PADI6: variants seen among roughly 807,000 people sequenced by gnomAD.
The protein encoded by PADI6 is peptidyl arginine deiminase 6.
In PADI6, 66 loss-of-function variants were observed where a neutral mutation model predicts 78.2. The ratio of observed to expected loss-of-function variants is 0.84; its 90% CI spans 0.69 to 1.04. The LOEUF is 1.04. Among genes scored for constraint, PADI6 ranks in the 50% least tolerant of loss-of-function variants. The probability of loss-of-function intolerance (pLI) is 0.00; values close to 1 mark genes in which losing one functional copy is unlikely to be tolerated. For missense variants in PADI6, 854 were observed against 866.1 expected (o/e 0.99, Z 0.18); for synonymous variants, 397 against 346.9 (o/e 1.14, Z -1.60).
In PADI6 at chr1:17,394,093, T is replaced by A. The variant is rs754388713; in HGVS notation, c.1182+11T>A. ...ATGAAGTACTCACTGGTGTGGAACT[T>A]GGTTTGGCTAATCTGAGCTCAGTCC... On this transcript the variant is annotated intron_variant, in intron 10 of 15. Transcript: ENST00000619609. 2 of 1,610,438 alleles carry A rather than the reference T, an allele frequency of 1.2e-6. No individual in the cohort carries two copies. The highest frequency in any genetic ancestry group is 1.7e-6 in the Non-Finnish European group (2 of 1,176,816).
chr1:17,393,857 T>C, intron 9 of PADI6, 118 bp from the exon 10 acceptor site: 1 of 796,560 alleles, frequency 1.3e-6, no homozygotes, highest in Non-Finnish European at 2.1e-6. Flanking sequence ...CTGAGCTGGG[T>C]GTTGAGGGTT....
chr1:17,392,380 G>A (rs2075195418), intron 9 of PADI6, among the ~76,000 whole-genome samples, 155 bp downstream of exon 9: 1 of 152,236 alleles, frequency 6.6e-6, no homozygotes, highest in South Asian at 2.1e-4. Flanking sequence ...AGGCTCAGAT[G>A]AGGATTTGCC....
In PADI6 at chr1:17,395,587, C is replaced by A. The variant is rs1485205191; in HGVS notation, c.1542C>A (p.Phe514Leu). The A allele has an allele frequency of 1.9e-6, 3 of 1,587,524 alleles. No homozygotes were observed. Among genetic ancestry groups the A allele is most frequent in the Admixed American group, 3.6e-5 (2 of 55,766 alleles). ...LASPSACYKLFREKQKEGYGD... is the reference protein window; with the variant it reads ...LASPSACYKLLREKQKEGYGD... ...GCCCCAGTGCCTGCTATAAACTGTTCCGAGAGAAACAGAAGGAAGGCTATG... is the reference window on the plus strand; with the variant it reads ...GCCCCAGTGCCTGCTATAAACTGTTACGAGAGAAACAGAAGGAAGGCTATG... The change falls in exon 13 of 16, where the codon TTC (phenylalanine) becomes TTA (leucine). Residue 514 changes from phenylalanine to leucine, a missense_variant. By Grantham distance (22) the Phe-to-Leu change is conservative. Coordinates refer to ENST00000619609, the MANE Select transcript of PADI6 (RefSeq NM_207421.4).
chr1:17,375,377 G>T, intron 2 of PADI6, 50 bp from the exon 3 acceptor site: 1 of 1,528,506 alleles, frequency 6.5e-7, no homozygotes. Flanking sequence ...CTCTGTTCCT[G>T]GCACCTCCCG....
chr1:17,388,713 T>A (rs2075151896), intron 7 of PADI6, 64 bp from the exon 8 acceptor site: 1 of 1,537,946 alleles, frequency 6.5e-7, no homozygotes, highest in African/African-American at 1.4e-5. Flanking sequence ...GCCGGAACCC[T>A]GGGGTAAGAG....
chr1:17,394,488 G>C, intron 11 of PADI6, 34 bp downstream of exon 11: 1 of 1,603,620 alleles, frequency 6.2e-7, no homozygotes, highest in Non-Finnish European at 8.5e-7. Flanking sequence ...CCAAATGAAA[G>C]GAAGGGACCA....
chr1:17,376,984 C>A (rs979305716), intron 3 of PADI6, among the ~76,000 whole-genome samples: 2 of 152,088 alleles, frequency 1.3e-5, no homozygotes, highest in Non-Finnish European at 2.9e-5. Context: ...ACGATCCTCT[C>A]ACCTCAGCCT....
At chr1:17,383,061 G>A (rs946883876) in intron 6 of PADI6, among the ~76,000 whole-genome samples, 3 of 152,198 alleles carry the variant, frequency 2.0e-5, no homozygotes, top group African/African-American at 7.2e-5. Flanking sequence ...GGGATTACAG[G>A]TGTGAGCTAC....
At chr1:17,379,173 C>T (rs1193220184) in intron 3 of PADI6, among the ~76,000 whole-genome samples, 4 of 133,434 alleles carry the variant, frequency 3.0e-5, no homozygotes, top group Non-Finnish European at 6.0e-5. Flanking sequence ...AGTGCAGTGG[C>T]GCAATCTCGG....
chr1:17,377,593 A>T (rs1570124428), intron 3 of PADI6, among the ~76,000 whole-genome samples: 1 of 152,234 alleles, frequency 6.6e-6, no homozygotes. Flanking sequence ...TTTTTCTAGT[A>T]GTCCCTCCAT....
intron 15 of PADI6, among the ~76,000 whole-genome samples, chr1:17,400,488 C>T (rs892244839): frequency 3.3e-5 from 5 of 152,052 alleles, no homozygotes; most frequent in African/African-American, 1.2e-4. Flanking sequence ...GCCTGGGCAA[C>T]AAGAGCAAAA....
chr1:17,397,350 G>GT (rs1415532260), intron 14 of PADI6, among the ~76,000 whole-genome samples: 2 of 152,174 alleles, frequency 1.3e-5, no homozygotes, highest in African/African-American at 4.8e-5. Context: ...GGAGTAAGGA[G>GT]TTAGGTCTCT....
rs145257272 is a variant in PADI6 at position 17,373,301 on chromosome 1, C to T, written c.294+68C>T. 1.1e-3 allele frequency: 1,749 copies of T among 1,556,362 alleles called. 15 individuals carry two copies. The African/African-American group carries it at 0.02, about 18-fold the overall frequency. ...GACCTAGCACAGCCACTGGGGCTTCCTCCTGGCTGCAGACGTGACTCGAGC... is the reference window on the plus strand; with the variant it reads ...GACCTAGCACAGCCACTGGGGCTTCTTCCTGGCTGCAGACGTGACTCGAGC... On this transcript the variant is annotated intron_variant, in intron 2 of 15. Coordinates refer to ENST00000619609, the MANE Select transcript of PADI6 (RefSeq NM_207421.4).
chr1:17,394,247 G>T (rs1178501304), intron 10 of PADI6, 53 bp from the exon 11 acceptor site: 1 of 1,598,926 alleles, frequency 6.3e-7, no homozygotes, highest in Non-Finnish European at 8.6e-7. Flanking sequence ...TAAGACTGGG[G>T]CCTAAAGCCA....
intron 8 of PADI6, among the ~76,000 whole-genome samples, chr1:17,389,364 G>A (rs536417715): frequency 6.6e-6 from 1 of 152,294 alleles, no homozygotes; most frequent in South Asian, 2.1e-4. Context: ...GATGCCTGCA[G>A]GAAGATGGTA....
rs141844235 is a variant in PADI6 at position 17,389,731 on chromosome 1, C to G, written c.962+851C>G. On this transcript the variant is annotated intron_variant, in intron 8 of 15. Transcript: ENST00000619609. The stretch of plus-strand genomic sequence containing the variant: ...GCCAAGGGTTCTGTCTGCATGATCA[C>G]TCTGGCCACATGGAAAGTCAGGTAC... 7.4e-4 allele frequency among the ~76,000 whole-genome samples: 112 copies of G among 152,300 alleles called. 1 individual carries two copies. In the East Asian group the frequency reaches 0.021, roughly 29 times the overall value.
chr1:17,393,308 G>A (rs1267016864), intron 9 of PADI6, among the ~76,000 whole-genome samples: 4 of 152,114 alleles, frequency 2.6e-5, no homozygotes, highest in Non-Finnish European at 4.4e-5. Context: ...GGAATGAAAG[G>A]TTATAGTTCA....
chr1:17,388,802 A>C lies in PADI6; in HGVS notation c.884A>C (p.Lys295Thr), dbSNP rs750217631. 6.2e-7 allele frequency: 1 copy of C among 1,613,752 alleles called. No homozygotes were observed. Among genetic ancestry groups the C allele is most frequent in the Non-Finnish European group, 8.5e-7 (1 of 1,179,820 alleles). ...DPSIPETVLY[K>T]DTVVFRVAPC... ...TCAATTCCAGAGACTGTGCTGTACA[A>C]AGACACGGTGGTGTTCCGGGTGGCT... The change falls in exon 8 of 16, where the codon AAA (lysine) becomes ACA (threonine). Residue 295 changes from lysine (K) to threonine (T), a missense_variant. Physicochemically the swap from Lys to Thr is moderately conservative, Grantham distance 78. Coordinates refer to ENST00000619609, the MANE Select transcript of PADI6 (RefSeq NM_207421.4).
chr1:17,397,883 C>T (rs1298950869), intron 14 of PADI6, among the ~76,000 whole-genome samples: 2 of 152,076 alleles, frequency 1.3e-5, no homozygotes, highest in African/African-American at 4.8e-5. Context: ...TTGAAGAAGC[C>T]GGCTCCTCAC....
Sources: allele counts gnomAD v4.1 joint callset (sites outside exome capture counted in the v4.1 genomes callset), GRCh38; gene constraint gnomAD v4.1.1; transcripts MANE v1.5; gene names NCBI Gene and HGNC (gene_info 2026-07-23, HGNC 2026-07-21).